Variants in ZNF518A observed in about 807,000 individuals in gnomAD.
ZNF518A encodes zinc finger protein 518.
In ZNF518A, 47 loss-of-function variants were observed where a neutral mutation model predicts 102.7. That is an observed-to-expected ratio of 0.46 (90% CI 0.36 to 0.58). The LOEUF (loss-of-function observed/expected upper bound fraction) is 0.58. ZNF518A is among the 20% of genes least tolerant of loss of function. ZNF518A has a pLI of 0.00. For synonymous variants in ZNF518A, 652 were observed against 594.6 expected (o/e 1.10, Z -1.40); for missense variants, 1,793 against 1,699.8 (o/e 1.05, Z -0.96).
At position 96,158,834 on chromosome 10, in the gene ZNF518A, A is replaced by G; in HGVS notation, c.2512A>G (p.Ile838Val). Residue 838 changes from isoleucine to valine, a missense_variant, in exon 6 of 6, where the codon ATC becomes GTC. Physicochemically the swap from Ile to Val is conservative, Grantham distance 29. Coordinates refer to ENST00000316045, the MANE Select transcript of ZNF518A (RefSeq NM_001330736.2). The stretch of plus-strand genomic sequence containing the variant: ...TTCGAAAGATTTCAAAGTGCAAGGC[A>G]TCTTCCCAGTTCCACCTGGCAGTGT... ...ESSKDFKVQG[I>V]FPVPPGSVGI... 1 of 1,613,840 alleles carries G rather than the reference A, an allele frequency of 6.2e-7. No homozygotes were observed. Among genetic ancestry groups the G allele is most frequent in the Non-Finnish European group, 8.5e-7 (1 of 1,179,750 alleles).
At chr10:96,169,384 T>C (rs1043137770) in intron 1 of ZNF518A, among the ~76,000 whole-genome samples, 1 of 152,220 alleles carries the variant, frequency 6.6e-6, no homozygotes. Context: ...TTTCTCAGAC[T>C]GTATGTCAAC....
Position 96,160,842 on chromosome 10 carries a change from A to G in ZNF518A, c.*68A>G, listed in dbSNP as rs2082971881. On this transcript the variant is annotated 3_prime_UTR_variant, in exon 6 of 6. Transcript: ENST00000316045. ...GAAGAAAACAACGGGTTCAGTTACC[A>G]TAATGCAGACATTTTCTACTTCAGT... The G allele has an allele frequency of 2.8e-6, 4 of 1,421,972 alleles. No homozygotes were observed. The South Asian group carries it at 4.8e-5, about 17-fold the overall frequency. The allele number at this position is 1,421,972 out of a possible 1,614,324, so 88.1% of individuals were successfully genotyped here. A position where few individuals can be genotyped will look rare whatever the true frequency, so the allele number is the denominator to read the frequency against.
chr10:96,196,856 C>T, intron 1 of ZNF518A: 1 of 1,555,702 alleles, frequency 6.4e-7, no homozygotes, highest in Non-Finnish European at 8.9e-7. Context: ...TATTTGATGT[C>T]ATTATACTCA....
downstream of ZNF518A, among the ~76,000 whole-genome samples, chr10:96,168,380 A>C (rs1554890579): frequency 6.6e-6 from 1 of 152,174 alleles, no homozygotes; most frequent in Non-Finnish European, 1.5e-5. Flanking sequence ...CCAAATTAAA[A>C]AAAAAATACA....
intron 3 of ZNF518A, among the ~76,000 whole-genome samples, chr10:96,148,362 C>T (rs2082267006): frequency 6.6e-6 from 1 of 152,128 alleles, no homozygotes; most frequent in Admixed American, 6.5e-5. Flanking sequence ...ATCGCTTGAA[C>T]CTGGGAGGTG....
In ZNF518A at chr10:96,130,532, G is replaced by A. The variant is rs1227595105; in HGVS notation, c.-673G>A. The A allele has an allele frequency of 2.0e-5, 3 of 152,460 alleles. No homozygotes were observed. The highest frequency in any genetic ancestry group is 7.2e-5 in the African/African-American group (3 of 41,472). The allele number at this position is 152,460 out of a possible 1,614,324, so 9.4% of individuals were successfully genotyped here. ...GGGCGGATCGGGCGCGGTGTTTGGG[G>A]CGAAGCTGGGCGCGCGGCGCTCGAA... On this transcript the variant is annotated 5_prime_UTR_variant, in exon 1 of 6. Transcript: ENST00000316045.
chr10:96,143,712 C>T (rs2133374750), intron 3 of ZNF518A, among the ~76,000 whole-genome samples: 1 of 152,244 alleles, frequency 6.6e-6, no homozygotes. Context: ...CTCATAAAGG[C>T]TTGTGGTGGT....
chr10:96,133,635 T>C lies in ZNF518A; in HGVS notation c.-315T>C, dbSNP rs2142266728. The C allele has an allele frequency of 6.6e-6, 1 of 152,344 alleles. No homozygotes were observed. The highest frequency in any genetic ancestry group is 1.9e-4 in the East Asian group (1 of 5,192). 9.4% of individuals were successfully genotyped at this position (152,344 alleles called of 1,614,324 possible). On this transcript the variant is annotated 5_prime_UTR_variant, in exon 3 of 6. Coordinates refer to ENST00000316045, the MANE Select transcript of ZNF518A (RefSeq NM_001330736.2). ...TCTTGGATACCACAGTATCATAAAA[T>C]TCCTCTAAATGCAGTAAGTATACAC...
intron 3 of ZNF518A, among the ~76,000 whole-genome samples, chr10:96,150,311 G>A (rs2082371875): frequency 6.7e-6 from 1 of 149,658 alleles, no homozygotes; most frequent in Non-Finnish European, 1.5e-5. Context: ...TCCAGCCTGG[G>A]TGACAGAGTG....
intron 1 of ZNF518A, among the ~76,000 whole-genome samples, chr10:96,193,038 AG>A (rs1237203806): frequency 2.0e-5 from 3 of 152,218 alleles, no homozygotes; most frequent in African/African-American, 7.2e-5. Context: ...TATTGAATAA[AG>A]TAAAATATTC....
chr10:96,172,962 C>A (rs1263888457), intron 1 of ZNF518A, among the ~76,000 whole-genome samples: 4 of 152,058 alleles, frequency 2.6e-5, no homozygotes, highest in Admixed American at 6.5e-5. Context: ...AATCATGGAT[C>A]AAAAATGTAG....
At position 96,160,538 on chromosome 10, in the gene ZNF518A, A is replaced by G. The variant is rs782104743; in HGVS notation, c.4216A>G (p.Arg1406Gly). Residue 1406 changes from arginine (R) to glycine (G), a missense_variant, in exon 6 of 6, where the codon AGG becomes GGG. Transcript: ENST00000316045. ...AACAACTTATGATGATTTTTCCAAG[A>G]GGCACAAAACATTTAAACCTGTTAG... Reference protein sequence around the residue: ...PKTTYDDFSKRHKTFKPVSSV... With the variant: ...PKTTYDDFSKGHKTFKPVSSV... 4 of 1,612,064 alleles carry G rather than the reference A, an allele frequency of 2.5e-6. No homozygotes were observed. The African/African-American group carries it at 5.3e-5, about 22-fold the overall frequency.
At chr10:96,140,068 G>C (rs587642705) in intron 3 of ZNF518A, among the ~76,000 whole-genome samples, 1 of 152,126 alleles carries the variant, frequency 6.6e-6, no homozygotes, top group South Asian at 2.1e-4. Flanking sequence ...ATGTTGGTCA[G>C]GCTGGTCTCA....
chr10:96,165,919 G>C (rs183250458), downstream of ZNF518A, among the ~76,000 whole-genome samples: 1 of 152,264 alleles, frequency 6.6e-6, no homozygotes, highest in South Asian at 2.1e-4. Context: ...CGTAGTGATG[G>C]TGGTAGCATG....
intron 3 of ZNF518A, among the ~76,000 whole-genome samples, chr10:96,148,415 G>A (rs587615110): frequency 5.9e-5 from 9 of 152,256 alleles, no homozygotes; most frequent in Admixed American, 3.3e-4. Context: ...ACTCCAGCCT[G>A]GGCAACAAGA....
At chr10:96,187,821 G>C (rs2083281426) in intron 1 of ZNF518A, among the ~76,000 whole-genome samples, 1 of 152,176 alleles carries the variant, frequency 6.6e-6, no homozygotes, top group African/African-American at 2.4e-5. Flanking sequence ...TTGAGACATT[G>C]AGATCACAGA....
chr10:96,202,406 T>G (rs1441736455), intron 1 of ZNF518A, among the ~76,000 whole-genome samples: 4 of 152,140 alleles, frequency 2.6e-5, no homozygotes, highest in African/African-American at 9.7e-5. Flanking sequence ...GTGGTTGGAT[T>G]CTGGATCTAT....
rs377142742 is a variant in ZNF518A at position 96,159,823 on chromosome 10, C to G, written c.3501C>G (p.Ser1167=). The G allele has an allele frequency of 1.2e-6, 2 of 1,613,480 alleles. No individual in the cohort carries two copies. Among genetic ancestry groups the G allele is most frequent in the Non-Finnish European group, 1.7e-6 (2 of 1,179,764 alleles). ...ANNLSVSNSA[S]SLQKDNVPSN... ...ATCTGTCAGTAAGCAACTCTGCATC[C>G]TCATTGCAAAAAGACAACGTACCAT... Residue 1167 remains serine (S), a synonymous_variant, in exon 6 of 6, where the codon TCC becomes TCG. Transcript: ENST00000316045.
In ZNF518A at chr10:96,159,632, G is replaced by A; in HGVS notation, c.3310G>A (p.Ala1104Thr). The change falls in exon 6 of 6, where the codon GCT becomes ACT. Residue 1104 changes from alanine to threonine, a missense_variant. Around this residue, in one of 3 missense-constraint regions of ZNF518A, gnomAD observed 1,741 missense variants for 1,622.6 expected, o/e 1.07. Coordinates refer to ENST00000316045, the MANE Select transcript of ZNF518A (RefSeq NM_001330736.2). ...LYTFLPDGKQ[A>T]VFLKCVMPNK... ...TACCTTCTTGCCTGATGGCAAACAA[G>A]CTGTTTTTTTAAAGTGTGTGATGCC... 3 of 1,613,712 alleles carry A rather than the reference G, an allele frequency of 1.9e-6. No individual in the cohort carries two copies. In the South Asian group the frequency reaches 3.3e-5, roughly 18 times the overall value.
Sources: allele counts gnomAD v4.1 joint callset (sites outside exome capture counted in the v4.1 genomes callset), GRCh38; gene constraint gnomAD v4.1.1; regional missense constraint gnomAD v4.1.1; transcripts MANE v1.5; gene names NCBI Gene and HGNC (gene_info 2026-07-23, HGNC 2026-07-21).